The following ABCD2 variants were observed in gnomAD, a reference collection of about 807,000 sequenced individuals.
ABCD2 encodes the protein ATP-binding cassette sub-family D member 2.
A neutral mutation model predicts 70.9 loss-of-function variants in ABCD2; 36 were observed. The observed-to-expected ratio is 0.51, with a 90% CI of 0.39 to 0.67. ABCD2 has a LOEUF of 0.67. Ranked by LOEUF, ABCD2 falls within the 30% of genes least tolerant of loss-of-function variation. ABCD2 has a pLI of 0.00. For synonymous variants in ABCD2, 304 were observed against 306.9 expected (o/e 0.99, Z 0.10); for missense variants, 729 against 890.2 (o/e 0.82, Z 2.30).
chr12:39,557,331 A>C (rs12296523), intron 9 of ABCD2, among the ~76,000 whole-genome samples: 68 of 152,302 alleles, frequency 4.5e-4, no homozygotes, highest in African/African-American at 1.6e-3. Flanking sequence ...CTAAGCAGCA[A>C]AGCATTTAAG....
chr12:39,549,102 T>C (rs1369622967), downstream of ABCD2, among the ~76,000 whole-genome samples: 1 of 151,972 alleles, frequency 6.6e-6, no homozygotes, highest in Admixed American at 6.6e-5. Context: ...AGCGGTTTCT[T>C]AGGTTTCAAG....
the ABCD2 span, among the ~76,000 whole-genome samples, chr12:39,534,914 AAGAAAGAAAGAAAGAAAGAAAGAAAG>A: frequency 2.0e-5 from 2 of 99,466 alleles, no homozygotes; most frequent in African/African-American, 1.1e-4. Flanking sequence ...GAAAGAAAGA[AAGAAAGAAAGAAAGAAAGAAAGAAAG>A]AAAGAAAGAA....
At chr12:39,545,322 C>T (rs113925418), downstream of ABCD2, among the ~76,000 whole-genome samples, 438 of 152,194 alleles carry the variant, frequency 2.9e-3, no homozygotes, top group Middle Eastern at 6.8e-3. Flanking sequence ...GATGAAGTCT[C>T]GCTCTTATCA....
At chr12:39,532,423 T>A in the ABCD2 span, among the ~76,000 whole-genome samples, 1 of 152,212 alleles carries the variant, frequency 6.6e-6, no homozygotes, top group Non-Finnish European at 1.5e-5. Flanking sequence ...GGGTTCTATT[T>A]TTTTTGCCAG....
intron 9 of ABCD2, among the ~76,000 whole-genome samples, chr12:39,556,558 C>T (rs1329912806): frequency 6.6e-6 from 1 of 152,148 alleles, no homozygotes; most frequent in Admixed American, 6.5e-5. Flanking sequence ...TTCCTGAGGC[C>T]TCCCCAGCCA....
intron 1 of ABCD2, among the ~76,000 whole-genome samples, chr12:39,618,108 A>G (rs1942141790): frequency 6.6e-6 from 1 of 151,836 alleles, no homozygotes; most frequent in South Asian, 2.1e-4. Flanking sequence ...AACATGAACT[A>G]AGAGTAGTAG....
intron 6 of ABCD2, among the ~76,000 whole-genome samples, chr12:39,600,192 T>TA (rs150865736): frequency 0.01 from 1,581 of 152,316 alleles, 36 homozygotes; most frequent in African/African-American, 0.036. Flanking sequence ...AATATATGAA[T>TA]GTATGCAGCT....
intron 9 of ABCD2, among the ~76,000 whole-genome samples, chr12:39,573,310 C>T (rs1466666594): frequency 6.6e-6 from 1 of 152,074 alleles, no homozygotes; most frequent in Non-Finnish European, 1.5e-5. Context: ...CCTGTGTTTT[C>T]TCCACTTAAT....
chr12:39,537,680 A>G, the ABCD2 span, among the ~76,000 whole-genome samples: 1 of 152,234 alleles, frequency 6.6e-6, no homozygotes, highest in African/African-American at 2.4e-5. Context: ...ATAACCACTT[A>G]TGTACATTTT....
the ABCD2 span, among the ~76,000 whole-genome samples, chr12:39,531,900 G>A: frequency 2.6e-5 from 4 of 152,254 alleles, no homozygotes; most frequent in Admixed American, 6.5e-5. Context: ...TGAACGTTAC[G>A]TATTCCCAAA....
chr12:39,619,006 C>A lies in ABCD2; in HGVS notation c.610G>T (p.Ala204Ser). The A allele has an allele frequency of 6.2e-7, 1 of 1,614,178 alleles. No homozygotes were observed. The highest frequency in any genetic ancestry group is 1.1e-5 in the South Asian group (1 of 91,086). The change falls in exon 1 of 10, where the codon GCA becomes TCA. Residue 204 changes from alanine (A) to serine (S), a missense_variant. Physicochemically the swap from Ala to Ser is moderately conservative, Grantham distance 99. This residue lies in a region of ABCD2 where 245 missense variants were observed against 261.2 expected (regional missense o/e 0.94). Transcript: ENST00000308666. Reference sequence around the variant, plus strand: ...TCCGTAAGAGATTGGTCAGGGTTTGCCAGCCTCCCATCCATATTGATCACT... The same window carrying A: ...TCCGTAAGAGATTGGTCAGGGTTTGACAGCCTCCCATCCATATTGATCACT... ...YKVINMDGRL[A>S]NPDQSLTEDI... is the part of the protein sequence containing the mutation.
At chr12:39,614,745 A>T (rs1216397730) in intron 2 of ABCD2, among the ~76,000 whole-genome samples, 1 of 152,078 alleles carries the variant, frequency 6.6e-6, no homozygotes. Context: ...GTCACTCGGT[A>T]TTTTCATGTG....
chr12:39,549,197 C>T (rs1365722004), downstream of ABCD2, among the ~76,000 whole-genome samples: 2 of 151,768 alleles, frequency 1.3e-5, no homozygotes, highest in African/African-American at 4.8e-5. Flanking sequence ...TGTAATAGCC[C>T]AAGTTAAAGA....
intron 5 of ABCD2, among the ~76,000 whole-genome samples, chr12:39,602,390 G>T (rs986001404): frequency 6.6e-6 from 1 of 151,952 alleles, no homozygotes; most frequent in African/African-American, 2.4e-5. Flanking sequence ...CTGACCTCAG[G>T]TGATCTGCCC....
chr12:39,614,820 CA>C (rs1942094160), intron 2 of ABCD2, among the ~76,000 whole-genome samples: 1 of 152,050 alleles, frequency 6.6e-6, no homozygotes, highest in Non-Finnish European at 1.5e-5. Flanking sequence ...ATTACAGGCA[CA>C]GATAGTAACC....
intron 7 of ABCD2, among the ~76,000 whole-genome samples, chr12:39,585,703 T>G (rs1941654920): frequency 6.6e-6 from 1 of 152,168 alleles, no homozygotes; most frequent in Admixed American, 6.5e-5. Context: ...TTTAATTACC[T>G]GTGTGCTGCT....
intron 9 of ABCD2, among the ~76,000 whole-genome samples, chr12:39,571,267 C>T (rs887713970): frequency 6.6e-6 from 1 of 152,150 alleles, no homozygotes; most frequent in Admixed American, 6.6e-5. Context: ...GATAACTGCA[C>T]TCCCATGTTT....
chr12:39,619,375 T>G lies in ABCD2; in HGVS notation c.241A>C (p.Asn81His), dbSNP rs374989744. 6.2e-7 allele frequency: 1 copy of G among 1,613,922 alleles called. No individual in the cohort carries two copies. Among genetic ancestry groups the G allele is most frequent in the Non-Finnish European group, 8.5e-7 (1 of 1,180,010 alleles). ...TICEKPSPGV[N>H]ADFFKQLLEL... Reference sequence around the variant, plus strand: ...AGTAGCTGTTTGAAGAAATCTGCATTCACTCCAGGCGAAGGTTTTTCACAA... The same window carrying G: ...AGTAGCTGTTTGAAGAAATCTGCATGCACTCCAGGCGAAGGTTTTTCACAA... The change falls in exon 1 of 10, where the codon AAT (asparagine) becomes CAT (histidine). Residue 81 changes from asparagine (N) to histidine (H), a missense_variant. Transcript: ENST00000308666.
intron 8 of ABCD2, among the ~76,000 whole-genome samples, chr12:39,575,114 A>G (rs1202786530): frequency 6.6e-6 from 1 of 152,224 alleles, no homozygotes; most frequent in African/African-American, 2.4e-5. Flanking sequence ...CAAGAGGAAG[A>G]AGTAAAGGAA....
Sources: allele counts gnomAD v4.1 joint callset (sites outside exome capture counted in the v4.1 genomes callset), GRCh38; gene constraint gnomAD v4.1.1; regional missense constraint gnomAD v4.1.1; transcripts MANE v1.5; gene names NCBI Gene and HGNC (gene_info 2026-07-23, HGNC 2026-07-21).